LEKR1: variants seen among roughly 807,000 people sequenced by gnomAD.
The protein encoded by LEKR1 is protein LEKR1.
Under a neutral mutation model 72.4 loss-of-function variants are expected in LEKR1, and 59 were observed. That is an observed-to-expected ratio of 0.82 (90% CI 0.66 to 1.01). The LOEUF (loss-of-function observed/expected upper bound fraction) is 1.01. Among genes scored for constraint, LEKR1 ranks in the 50% least tolerant of loss-of-function variants. The probability of loss-of-function intolerance (pLI) is 0.00; values close to 1 mark genes in which losing one functional copy is unlikely to be tolerated. For synonymous variants in LEKR1, 257 were observed against 263.2 expected, an observed-to-expected ratio of 0.98 and a Z score of 0.23; for missense variants, 728 against 759.2, an observed-to-expected ratio of 0.96 and a Z score of 0.48.
intron 6 of LEKR1, 97 bp downstream of exon 6, chr3:156,942,811 T>A: frequency 3.8e-6 from 2 of 531,750 alleles, no homozygotes; most frequent in Non-Finnish European, 5.8e-6. Context: ...AATCTTGTTT[T>A]AATTATTTTG....
intron 3 of LEKR1, among the ~76,000 whole-genome samples, chr3:156,909,692 C>T (rs1722923376): frequency 6.7e-6 from 1 of 149,924 alleles, no homozygotes; most frequent in Admixed American, 6.6e-5. Context: ...AATATCTTTA[C>T]CTATTTTTAT....
intron 6 of LEKR1, among the ~76,000 whole-genome samples, chr3:156,959,250 T>A (rs1364820645): frequency 6.6e-6 from 1 of 152,164 alleles, no homozygotes; most frequent in African/African-American, 2.4e-5. Flanking sequence ...ACTCATCTCT[T>A]CTTTCTTTTG....
At chr3:157,037,390 G>A (rs1735037824) in intron 12 of LEKR1, among the ~76,000 whole-genome samples, 1 of 152,092 alleles carries the variant, frequency 6.6e-6, no homozygotes, top group Admixed American at 6.6e-5. Context: ...AAAGGACCTA[G>A]TAGAGAAGGT....
At chr3:156,868,269 C>T (rs950024114) in intron 3 of LEKR1, among the ~76,000 whole-genome samples, 20 of 152,142 alleles carry the variant, frequency 1.3e-4, no homozygotes, top group African/African-American at 3.6e-4. Context: ...AGTTGGAAAG[C>T]GGTTTCTTCA....
intron 6 of LEKR1, among the ~76,000 whole-genome samples, chr3:156,948,178 C>G (rs935725552): frequency 6.6e-6 from 1 of 150,996 alleles, no homozygotes; most frequent in Non-Finnish European, 1.5e-5. Flanking sequence ...ATTTTTAATG[C>G]TATTATATGT....
At chr3:156,984,539 TGGTGGCA>T (rs1730508843) in intron 7 of LEKR1, among the ~76,000 whole-genome samples, 1 of 151,998 alleles carries the variant, frequency 6.6e-6, no homozygotes, top group African/African-American at 2.4e-5. Context: ...TAGCCAGGCA[TGGTGGCA>T]GGTGCCTGTG....
chr3:156,990,123 T>C (rs1379259455), intron 7 of LEKR1, among the ~76,000 whole-genome samples: 1 of 152,202 alleles, frequency 6.6e-6, no homozygotes, highest in Non-Finnish European at 1.5e-5. Flanking sequence ...TGTCTTTTAA[T>C]GACACTGAAT....
chr3:156,961,464 C>T (rs1399620784), intron 6 of LEKR1, among the ~76,000 whole-genome samples: 2 of 152,194 alleles, frequency 1.3e-5, no homozygotes, highest in African/African-American at 4.8e-5. Flanking sequence ...AATCCTTAAC[C>T]TACTTTCTAT....
At chr3:156,844,361 G>A (rs916058558) in intron 2 of LEKR1, among the ~76,000 whole-genome samples, 3 of 151,932 alleles carry the variant, frequency 2.0e-5, no homozygotes, top group South Asian at 2.1e-4. Context: ...CCACTTATTC[G>A]TCATCTAGCT....
chr3:157,026,946 C>A (rs1467188893), intron 11 of LEKR1, among the ~76,000 whole-genome samples: 1 of 152,194 alleles, frequency 6.6e-6, no homozygotes, highest in South Asian at 2.1e-4. Flanking sequence ...TCTAGAGGAA[C>A]CACCTTGAGA....
At chr3:156,866,469 A>T in intron 3 of LEKR1, among the ~76,000 whole-genome samples, 1 of 152,050 alleles carries the variant, frequency 6.6e-6, no homozygotes, top group African/African-American at 2.4e-5. Context: ...TTTAAGAAAG[A>T]CAGAAGAATT....
intron 3 of LEKR1, among the ~76,000 whole-genome samples, chr3:156,879,975 C>T (rs903444440): frequency 1.3e-5 from 2 of 152,168 alleles, no homozygotes; most frequent in African/African-American, 4.8e-5. Flanking sequence ...GGGGCTGGGC[C>T]CTCATGGAGA....
chr3:156,986,808 T>G (rs1431850190), intron 7 of LEKR1, among the ~76,000 whole-genome samples: 1 of 152,202 alleles, frequency 6.6e-6, no homozygotes, highest in Non-Finnish European at 1.5e-5. Context: ...CTATCATCAT[T>G]GTGTTTGTTT....
At chr3:156,889,300 G>GAAA (rs34030934) in intron 3 of LEKR1, among the ~76,000 whole-genome samples, 1 of 145,452 alleles carries the variant, frequency 6.9e-6, no homozygotes, top group East Asian at 2.0e-4. Flanking sequence ...TGTTGTTGCT[G>GAAA]AAAAAAAAAA....
intron 3 of LEKR1, among the ~76,000 whole-genome samples, chr3:156,907,962 G>A (rs767071607): frequency 6.6e-6 from 1 of 151,836 alleles, no homozygotes; most frequent in East Asian, 1.9e-4. Context: ...TCATGGTCTC[G>A]AGGCTTTTAA....
chr3:156,866,402 T>G (rs1455947780), intron 3 of LEKR1, among the ~76,000 whole-genome samples: 3 of 152,054 alleles, frequency 2.0e-5, no homozygotes, highest in Non-Finnish European at 2.9e-5. Context: ...GAGGACAGGC[T>G]GGAGGCAGAT....
chr3:156,835,683 A>G (rs1294038592), intron 2 of LEKR1, among the ~76,000 whole-genome samples: 1 of 152,016 alleles, frequency 6.6e-6, no homozygotes, highest in South Asian at 2.1e-4. Flanking sequence ...TAGTAACTCA[A>G]TTGTAAGCAT....
chr3:156,910,201 C>T (rs936956853), intron 3 of LEKR1, among the ~76,000 whole-genome samples: 3 of 151,986 alleles, frequency 2.0e-5, no homozygotes, highest in South Asian at 2.1e-4. Context: ...GGGTGTATTG[C>T]GCGATGCTAG....
At chr3:156,828,278 ACGGTTTC>A (rs773864998) in intron 1 of LEKR1, among the ~76,000 whole-genome samples, 30 of 152,300 alleles carry the variant, frequency 2.0e-4, no homozygotes, top group African/African-American at 7.2e-4. Flanking sequence ...TTTGACAACT[ACGGTTTC>A]CCTGCTACCT....
Sources: allele counts gnomAD v4.1 joint callset (sites outside exome capture counted in the v4.1 genomes callset), GRCh38; gene constraint gnomAD v4.1.1; transcripts MANE v1.5; gene names NCBI Gene and HGNC (gene_info 2026-07-23, HGNC 2026-07-21).